The following CHST8 variants were observed in gnomAD, a reference collection of about 807,000 sequenced individuals.
CHST8 encodes GALNAC-4-ST1.
A neutral mutation model predicts 15.0 loss-of-function variants in CHST8; 10 were observed. The ratio of observed to expected loss-of-function variants is 0.67; its 90% CI spans 0.41 to 1.13. The LOEUF (loss-of-function observed/expected upper bound fraction) is 1.13, where lower values mean the gene tolerates loss of function less well. Ranked by LOEUF, CHST8 falls within the 50% of genes most tolerant of loss-of-function variation. The pLI is 0.00. For synonymous variants in CHST8, 259 were observed against 256.6 expected (o/e 1.01, Z -0.09); for missense variants, 634 against 608.2 (o/e 1.04, Z -0.45).
chr19:33,703,576 C>T (rs1973386562), intron 3 of CHST8, among the ~76,000 whole-genome samples: 1 of 152,364 alleles, frequency 6.6e-6, no homozygotes, highest in Non-Finnish European at 1.5e-5. Context: ...GGGCTAGACG[C>T]ACCTTCTGCT....
intron 3 of CHST8, among the ~76,000 whole-genome samples, chr19:33,727,378 C>G (rs1973921226): frequency 1.3e-5 from 2 of 152,096 alleles, no homozygotes; most frequent in African/African-American, 4.8e-5. Flanking sequence ...ATGTGTGAAC[C>G]CGTGTCTGTG....
At chr19:33,766,128 G>GCT (rs1974837224) in intron 3 of CHST8, among the ~76,000 whole-genome samples, 1 of 151,678 alleles carries the variant, frequency 6.6e-6, no homozygotes, top group Admixed American at 6.6e-5. Flanking sequence ...AACCCGTCTC[G>GCT]CTCTCTCCTC....
chr19:33,675,082 G>A (rs1471132488), intron 2 of CHST8, among the ~76,000 whole-genome samples: 29 of 152,180 alleles, frequency 1.9e-4, no homozygotes, highest in Admixed American at 1.9e-3. Context: ...AGGAGCAAAG[G>A]AGTGAATGTG....
At chr19:33,741,345 G>A (rs957085627) in intron 3 of CHST8, among the ~76,000 whole-genome samples, 3 of 152,146 alleles carry the variant, frequency 2.0e-5, no homozygotes, top group Admixed American at 6.5e-5. Context: ...AAGCTTGTTG[G>A]GTTTATATTA....
At chr19:33,732,982 T>C (rs1326688261) in intron 3 of CHST8, among the ~76,000 whole-genome samples, 1 of 152,126 alleles carries the variant, frequency 6.6e-6, no homozygotes, top group Non-Finnish European at 1.5e-5. Flanking sequence ...GCATTATGAA[T>C]TGGGGTTTGA....
intron 3 of CHST8, among the ~76,000 whole-genome samples, chr19:33,763,478 T>A (rs1054127000): frequency 2.3e-4 from 35 of 152,278 alleles, no homozygotes; most frequent in African/African-American, 8.4e-4. Context: ...AACAGCCGGC[T>A]CCTGTGCTGG....
chr19:33,747,834 A>AT (rs1008068167), intron 3 of CHST8, among the ~76,000 whole-genome samples: 3 of 151,550 alleles, frequency 2.0e-5, no homozygotes, highest in African/African-American at 4.8e-5. Context: ...AAGCTTTGAG[A>AT]TTTTTTTTTA....
intron 3 of CHST8, among the ~76,000 whole-genome samples, chr19:33,742,770 G>A (rs1354198334): frequency 1.3e-5 from 2 of 152,098 alleles, no homozygotes; most frequent in African/African-American, 4.8e-5. Flanking sequence ...CCATGTTTTG[G>A]TGACCACCTC....
chr19:33,631,765 C>T (rs1972124930), intron 1 of CHST8, among the ~76,000 whole-genome samples: 1 of 152,042 alleles, frequency 6.6e-6, no homozygotes. Flanking sequence ...CCACTCCCCG[C>T]CCTCCCTCCA....
At chr19:33,642,295 C>CG (rs952510422) in intron 1 of CHST8, among the ~76,000 whole-genome samples, 1 of 139,790 alleles carries the variant, frequency 7.2e-6, no homozygotes, top group African/African-American at 3.2e-5. Context: ...CAGCAGAGGG[C>CG]CCCCCCCCAC....
At chr19:33,755,585 G>A (rs1490683756) in intron 3 of CHST8, among the ~76,000 whole-genome samples, 1 of 152,210 alleles carries the variant, frequency 6.6e-6, no homozygotes, top group Non-Finnish European at 1.5e-5. Flanking sequence ...AAGACAGAAG[G>A]CACAAGCCAG....
intron 3 of CHST8, among the ~76,000 whole-genome samples, chr19:33,734,510 A>C (rs1974048479): frequency 6.6e-6 from 1 of 152,170 alleles, no homozygotes; most frequent in Admixed American, 6.5e-5. Context: ...GGGGACCCAC[A>C]CTGTGTGACA....
At chr19:33,664,319 T>C (rs1454050206) in intron 1 of CHST8, among the ~76,000 whole-genome samples, 1 of 151,888 alleles carries the variant, frequency 6.6e-6, no homozygotes, top group Non-Finnish European at 1.5e-5. Flanking sequence ...AGTTTTAGAG[T>C]ACATGTGCAC....
In CHST8 at chr19:33,632,140, T is replaced by TC. The variant is rs1491126620; in HGVS notation, c.-164+9844_-164+9845insC. 7.0e-3 allele frequency among the ~76,000 whole-genome samples: 389 copies of TC among 55,760 alleles called. 1 individual carries two copies. In the Middle Eastern group the frequency reaches 0.098, roughly 14 times the overall value. The allele number at this position is 55,760 out of a possible 152,430, so 36.6% of individuals were successfully genotyped here. ...TTCTTTTCTTGTCTCTCTCTCTCTC[T>TC]TTTTTTTTTTTTTTTTCCAGACAGG... On this transcript the variant is annotated intron_variant, in intron 1 of 4. Coordinates refer to ENST00000650847, the MANE Select transcript of CHST8 (RefSeq NM_001127895.2).
intron 1 of CHST8, among the ~76,000 whole-genome samples, chr19:33,660,959 C>T (rs1313448766): frequency 2.6e-5 from 4 of 152,154 alleles, no homozygotes; most frequent in African/African-American, 9.7e-5. Flanking sequence ...GCCCACCTGT[C>T]CTGCATCACT....
At chr19:33,756,639 G>C (rs960432754) in intron 3 of CHST8, among the ~76,000 whole-genome samples, 3 of 152,180 alleles carry the variant, frequency 2.0e-5, no homozygotes, top group African/African-American at 7.2e-5. Context: ...CTCTGGCTTT[G>C]TTGTTCTGCA....
chr19:33,677,164 G>A (rs1241933090), intron 2 of CHST8, among the ~76,000 whole-genome samples: 2 of 152,216 alleles, frequency 1.3e-5, no homozygotes, highest in East Asian at 1.9e-4. Flanking sequence ...CCGGCAGGGG[G>A]GGGCACTGGG....
At chr19:33,693,599 G>A (rs1394290549) in intron 3 of CHST8, among the ~76,000 whole-genome samples, 2 of 152,072 alleles carry the variant, frequency 1.3e-5, no homozygotes, top group African/African-American at 4.8e-5. Context: ...CTATTTATTT[G>A]AGGAAACCAG....
chr19:33,736,582 C>T (rs1458881041), intron 3 of CHST8, among the ~76,000 whole-genome samples: 1 of 152,090 alleles, frequency 6.6e-6, no homozygotes, highest in Non-Finnish European at 1.5e-5. Flanking sequence ...GACTACTTAT[C>T]CAGCAGATAA....
Sources: gnomAD v4.1 joint callset for allele counts (sites outside exome capture counted in the v4.1 genomes callset) on GRCh38, gnomAD v4.1.1 for gene constraint, MANE v1.5 for transcripts, NCBI Gene and HGNC (gene_info 2026-07-23, HGNC 2026-07-21) for gene names.